ABCB4: variants seen among roughly 807,000 people sequenced by gnomAD.
The protein encoded by ABCB4 is phosphatidylcholine translocator ABCB4.
A neutral mutation model predicts 145.7 loss-of-function variants in ABCB4; 76 were observed. The ratio of observed to expected loss-of-function variants is 0.52; its 90% CI spans 0.43 to 0.63. The LOEUF is 0.63. Among genes scored for constraint, ABCB4 ranks in the 30% least tolerant of loss-of-function variants. The pLI is 0.00. For missense variants in ABCB4, 1,234 were observed against 1,553.1 expected (o/e 0.79, Z 3.45); for synonymous variants, 517 against 566.8 (o/e 0.91, Z 1.25).
intron 3 of ABCB4, among the ~76,000 whole-genome samples, chr7:87,466,731 A>T (rs913308019): frequency 6.6e-6 from 1 of 152,204 alleles, no homozygotes; most frequent in Non-Finnish European, 1.5e-5. Context: ...CAGAAGAGAG[A>T]GGGGGCCAAT....
chr7:87,381,786 T>G, the ABCB4 span: 18 of 596,478 alleles, frequency 3.0e-5, no homozygotes, highest in East Asian at 5.1e-4. Flanking sequence ...CCTCAAGAGG[T>G]GAGGCATTTG....
chr7:87,419,834 T>G (rs1809289147), intron 19 of ABCB4, among the ~76,000 whole-genome samples, 164 bp downstream of exon 19: 6 of 150,994 alleles, frequency 4.0e-5, no homozygotes. Context: ...ATGAGAAGTC[T>G]TTAGCTCTTG....
At chr7:87,419,805 AAAAAAAAAC>A (rs1809283062) in intron 19 of ABCB4, among the ~76,000 whole-genome samples, 184 bp downstream of exon 19, 5 of 151,078 alleles carry the variant, frequency 3.3e-5, no homozygotes, top group African/African-American at 9.7e-5. Context: ...AACAAAAACA[AAAAAAAAAC>A]AAAAAAAACA....
At chr7:87,434,112 T>TC (rs1810443692) in intron 14 of ABCB4, among the ~76,000 whole-genome samples, 1 of 149,282 alleles carries the variant, frequency 6.7e-6, no homozygotes, top group South Asian at 2.1e-4. Context: ...TTTTTTTTTT[T>TC]TTTTGGATTT....
the ABCB4 span, among the ~76,000 whole-genome samples, chr7:87,387,785 C>T: frequency 6.6e-6 from 1 of 152,108 alleles, no homozygotes; most frequent in Non-Finnish European, 1.5e-5. Flanking sequence ...AACCCCATCT[C>T]TATGGAAAAT....
In ABCB4 at chr7:87,401,872, A is replaced by G. The variant is rs1489649294; in HGVS notation, c.*224T>C. The G allele has an allele frequency of 1.4e-6, 1 of 693,572 alleles. No homozygotes were observed. Among genetic ancestry groups the G allele is most frequent in the African/African-American group, 1.8e-5 (1 of 56,928 alleles). The allele number at this position is 693,572 out of a possible 1,614,324, so 43.0% of individuals were successfully genotyped here. ...TTTTTCTGGATGTTTCTAATAACTTAGGGAGAGCTAGCCTGTTGTTTCAAT... is the reference window on the plus strand; with the variant it reads ...TTTTTCTGGATGTTTCTAATAACTTGGGGAGAGCTAGCCTGTTGTTTCAAT... On this transcript the variant is annotated 3_prime_UTR_variant, in exon 28 of 28. Transcript: ENST00000649586.
chr7:87,460,617 A>ATTTT (rs1308779600), intron 4 of ABCB4, among the ~76,000 whole-genome samples: 1 of 147,308 alleles, frequency 6.8e-6, no homozygotes, highest in Non-Finnish European at 1.5e-5. Context: ...AAAGGACACA[A>ATTTT]TTTTGTATTT....
chr7:87,385,650 C>T, the ABCB4 span, among the ~76,000 whole-genome samples: 1 of 152,078 alleles, frequency 6.6e-6, no homozygotes, highest in Non-Finnish European at 1.5e-5. Flanking sequence ...TTTTCCTTTG[C>T]AATTTGAGTG....
chr7:87,464,124 T>C (rs1812690929), intron 3 of ABCB4, among the ~76,000 whole-genome samples: 1 of 152,202 alleles, frequency 6.6e-6, no homozygotes, highest in African/African-American at 2.4e-5. Flanking sequence ...TGAGCCAGGC[T>C]TGGCACAGTG....
intron 3 of ABCB4, among the ~76,000 whole-genome samples, chr7:87,468,474 A>G (rs1378764638): frequency 1.3e-5 from 2 of 152,244 alleles, no homozygotes; most frequent in Non-Finnish European, 2.9e-5. Context: ...AACTGGTACC[A>G]TTCCTTCTGA....
chr7:87,454,734 C>G, intron 4 of ABCB4, 142 bp from the exon 5 acceptor site: 1 of 676,782 alleles, frequency 1.5e-6, no homozygotes, highest in East Asian at 2.8e-5. Flanking sequence ...AAACACTTTT[C>G]TTTGCACACT....
At chr7:87,382,658 A>T in the ABCB4 span, 1 of 1,005,652 alleles carries the variant, frequency 9.9e-7, no homozygotes, top group South Asian at 1.7e-5. Flanking sequence ...CCCAGCTGGT[A>T]CTGTGTCCTA....
chr7:87,371,482 A>G, the ABCB4 span, among the ~76,000 whole-genome samples: 1 of 152,230 alleles, frequency 6.6e-6, no homozygotes, highest in African/African-American at 2.4e-5. Flanking sequence ...TATAACAAAT[A>G]ATTAACATTT....
At chr7:87,423,056 T>C (rs1042416455) in intron 17 of ABCB4, among the ~76,000 whole-genome samples, 1 of 152,200 alleles carries the variant, frequency 6.6e-6, no homozygotes, top group East Asian at 1.9e-4. Flanking sequence ...CTTTTCTAAT[T>C]TATTTATTTT....
At chr7:87,392,938 T>A in the ABCB4 span, 3 of 1,613,498 alleles carry the variant, frequency 1.9e-6, 1 homozygote, top group Non-Finnish European at 2.5e-6. Flanking sequence ...TCTTTTATTG[T>A]GCCACACAGC....
rs8187809 is a variant in ABCB4, at chr7:87,406,277, C to CT, written c.3486+10dup. 10,133 of 1,613,558 alleles carry CT rather than the reference C, an allele frequency of 6.3e-3. 43 individuals are homozygous for CT. Among genetic ancestry groups the CT allele is most frequent in the Non-Finnish European group, 7.5e-3 (8,879 of 1,179,462 alleles). ...GTAGTCTCTTCTGATTTCAGCTACTCTTTAACTTACGTGGGGTAACGTCTC... is the reference window on the plus strand; with the variant it reads ...GTAGTCTCTTCTGATTTCAGCTACTCTTTTAACTTACGTGGGGTAACGTCTC... On this transcript the variant is annotated intron_variant, in intron 26 of 27. Transcript: ENST00000649586.
At chr7:87,418,225 C>T (rs980675518) in intron 20 of ABCB4, among the ~76,000 whole-genome samples, 1 of 152,178 alleles carries the variant, frequency 6.6e-6, no homozygotes, top group African/African-American at 2.4e-5. Flanking sequence ...GAGGTGTGTG[C>T]TCTCTTTCAC....
At chr7:87,449,676 T>A (rs1811577635) in intron 8 of ABCB4, among the ~76,000 whole-genome samples, 1 of 152,098 alleles carries the variant, frequency 6.6e-6, no homozygotes, top group Non-Finnish European at 1.5e-5. Context: ...GGATTCCAGC[T>A]ACCCTCCTGC....
At chr7:87,424,194 G>C (rs1453206056) in intron 16 of ABCB4, 142 bp from the exon 17 acceptor site, 9 of 949,752 alleles carry the variant, frequency 9.5e-6, no homozygotes, top group Admixed American at 1.7e-5. Flanking sequence ...TAGAGAGTAG[G>C]ACAGTATATT....
Sources: allele counts gnomAD v4.1 joint callset (sites outside exome capture counted in the v4.1 genomes callset), GRCh38; gene constraint gnomAD v4.1.1; transcripts MANE v1.5; gene names NCBI Gene and HGNC (gene_info 2026-07-23, HGNC 2026-07-21).